ARHGAP28: variants seen among roughly 807,000 people sequenced by gnomAD.
ARHGAP28 encodes rho GTPase-activating protein 28.
In ARHGAP28, 56 loss-of-function variants were observed where a neutral mutation model predicts 90.7. The observed-to-expected ratio is 0.62, with a 90% CI of 0.50 to 0.77. The LOEUF (loss-of-function observed/expected upper bound fraction) is 0.77. ARHGAP28 is among the 30% of genes least tolerant of loss of function. ARHGAP28 has a pLI of 0.00. For synonymous variants in ARHGAP28, 308 were observed against 323.3 expected (o/e 0.95, Z 0.51); for missense variants, 869 against 900.9 (o/e 0.96, Z 0.45).
chr18:6,882,455 C>A, intron 11 of ARHGAP28, 156 bp downstream of exon 11: 1 of 629,552 alleles, frequency 1.6e-6, no homozygotes, highest in South Asian at 2.9e-5. Context: ...CAGTCACCTA[C>A]TTACATACTT....
chr18:6,873,677 A>G lies in ARHGAP28; in HGVS notation c.1121-7A>G. On this transcript the variant is annotated splice_region_variant and splice_polypyrimidine_tract_variant and intron_variant, in intron 8 of 17. Transcript: ENST00000383472. ...TTTTTTTCCCCCTTTACTGTCTCAC[A>G]ATGAAGACAATGGGATTTTTGGAGT... 6.2e-7 allele frequency: 1 copy of G among 1,613,226 alleles called. No homozygotes were observed. The highest frequency in any genetic ancestry group is 8.5e-7 in the Non-Finnish European group (1 of 1,179,366).
At chr18:6,892,002 T>G (rs1377089888) in intron 14 of ARHGAP28, among the ~76,000 whole-genome samples, 1 of 152,146 alleles carries the variant, frequency 6.6e-6, no homozygotes, top group African/African-American at 2.4e-5. Flanking sequence ...TGTTGTTGAT[T>G]TATCATAATC....
At chr18:6,911,044 C>T (rs1442596975) in intron 17 of ARHGAP28, among the ~76,000 whole-genome samples, 1 of 152,026 alleles carries the variant, frequency 6.6e-6, no homozygotes, top group Non-Finnish European at 1.5e-5. Flanking sequence ...CTGAGTTTGC[C>T]AGGATGGTCC....
chr18:6,862,557 G>A (rs1567974084), intron 5 of ARHGAP28, among the ~76,000 whole-genome samples: 1 of 152,180 alleles, frequency 6.6e-6, no homozygotes, highest in Non-Finnish European at 1.5e-5. Flanking sequence ...GCAGATGTCT[G>A]TCTCTATGGT....
intron 12 of ARHGAP28, among the ~76,000 whole-genome samples, chr18:6,887,718 C>T (rs115890326): frequency 0.03 from 4,630 of 152,212 alleles, 211 homozygotes; most frequent in African/African-American, 0.097. Flanking sequence ...CCACCACGCC[C>T]GGGCGGTATG....
At chr18:6,864,730 G>T (rs998182886) in intron 5 of ARHGAP28, among the ~76,000 whole-genome samples, 1 of 152,048 alleles carries the variant, frequency 6.6e-6, no homozygotes, top group African/African-American at 2.4e-5. Flanking sequence ...TGTCACCGAG[G>T]CTGGAGTGCA....
At chr18:6,841,208 C>CTCTCTCTCTCCTCTCTCTCTCTCTCT (rs1555631529) in intron 3 of ARHGAP28, among the ~76,000 whole-genome samples, 1 of 43,136 alleles carries the variant, frequency 2.3e-5, no homozygotes, top group East Asian at 7.6e-4. Flanking sequence ...TCTCTCCTCT[C>CTCTCTCTCTCCTCTCTCTCTCTCTCT]CTCTCTCTCT....
At chr18:6,870,479 G>A (rs932344098) in intron 6 of ARHGAP28, 111 bp from the exon 7 acceptor site, 5 of 1,132,102 alleles carry the variant, frequency 4.4e-6, no homozygotes, top group Non-Finnish European at 6.4e-6. Context: ...TATAAACACT[G>A]TAACGTGCTT....
At chr18:6,874,267 A>C (rs572421662) in intron 9 of ARHGAP28, among the ~76,000 whole-genome samples, 17 of 152,366 alleles carry the variant, frequency 1.1e-4, no homozygotes, top group African/African-American at 3.6e-4. Flanking sequence ...ACCAAGTTTA[A>C]TAAAATCTAA....
intron 1 of ARHGAP28, among the ~76,000 whole-genome samples, chr18:6,801,674 A>G (rs1346233994): frequency 6.6e-6 from 1 of 152,172 alleles, no homozygotes; most frequent in Non-Finnish European, 1.5e-5. Context: ...ACCTAAGATA[A>G]TTTAATACAT....
chr18:6,814,465 C>G (rs575027535), intron 1 of ARHGAP28, among the ~76,000 whole-genome samples: 4 of 152,314 alleles, frequency 2.6e-5, no homozygotes, highest in Non-Finnish European at 5.9e-5. Flanking sequence ...AGGATACAAT[C>G]AAGCAGAATT....
intron 10 of ARHGAP28, among the ~76,000 whole-genome samples, chr18:6,878,463 T>C (rs2057151359): frequency 6.6e-6 from 1 of 151,956 alleles, no homozygotes. Context: ...ACCTGCACAT[T>C]GTGCACATGT....
intron 12 of ARHGAP28, among the ~76,000 whole-genome samples, chr18:6,888,288 G>C (rs549376042): frequency 6.6e-6 from 1 of 152,074 alleles, no homozygotes; most frequent in Non-Finnish European, 1.5e-5. Flanking sequence ...ATATACAATA[G>C]GAAATTTGTT....
rs1336808135 is a variant in ARHGAP28, at chr18:6,890,488, A to T, written c.1793A>T (p.Lys598Met). 6.2e-7 allele frequency: 1 copy of T among 1,613,782 alleles called. No individual in the cohort carries two copies. The highest frequency in any genetic ancestry group is 2.2e-5 in the East Asian group (1 of 44,870). Residue 598 changes from lysine (K) to methionine (M), a missense_variant, in exon 14 of 18, where the codon AAG becomes ATG. Physicochemically the swap from Lys to Met is moderately conservative, Grantham distance 95. Coordinates refer to ENST00000383472, the MANE Select transcript of ARHGAP28 (RefSeq NM_001366230.1). ...ATGAATGAAGCCACGATGCTATTGAAGAAGCAGCTCCCAAGTGTCAGGAAG... is the reference window on the plus strand; with the variant it reads ...ATGAATGAAGCCACGATGCTATTGATGAAGCAGCTCCCAAGTGTCAGGAAG... Reference protein sequence around the residue: ...RRMNEATMLLKKQLPSVRKLL... With the variant: ...RRMNEATMLLMKQLPSVRKLL...
intron 1 of ARHGAP28, chr18:6,791,569 G>A (rs1421971657): frequency 1.3e-5 from 2 of 152,304 alleles, no homozygotes; most frequent in East Asian, 3.9e-4. Flanking sequence ...GAGTCACTTG[G>A]TTGGTCTGAT....
intron 1 of ARHGAP28, among the ~76,000 whole-genome samples, chr18:6,782,764 A>G (rs955558524): frequency 2.0e-5 from 3 of 150,672 alleles, no homozygotes; most frequent in Non-Finnish European, 3.0e-5. Context: ...GATTAATTAT[A>G]TATCATATTT....
In ARHGAP28 at chr18:6,813,823, G is replaced by A. The variant is rs574024691; in HGVS notation, c.123-10939G>A. Among the ~76,000 whole-genome samples the A allele has an allele frequency of 1.7e-4, 26 of 152,142 alleles. 1 individual carries two copies. In the South Asian group the frequency reaches 5.2e-3, roughly 30 times the overall value. On this transcript the variant is annotated intron_variant, in intron 1 of 17. Coordinates refer to ENST00000383472, the MANE Select transcript of ARHGAP28 (RefSeq NM_001366230.1). ...ACTGCCCCTCTGAGATTCATTTTTCGTATCTATAAAATGTGGTGATTTATT... is the reference window on the plus strand; with the variant it reads ...ACTGCCCCTCTGAGATTCATTTTTCATATCTATAAAATGTGGTGATTTATT...
At chr18:6,869,401 C>T (rs1295311057) in intron 6 of ARHGAP28, among the ~76,000 whole-genome samples, 1 of 151,710 alleles carries the variant, frequency 6.6e-6, no homozygotes, top group Non-Finnish European at 1.5e-5. Flanking sequence ...GCTGGAATTA[C>T]AGGTGCCTGC....
intron 1 of ARHGAP28, among the ~76,000 whole-genome samples, chr18:6,794,229 A>G (rs1453527505): frequency 6.6e-6 from 1 of 152,244 alleles, no homozygotes; most frequent in African/African-American, 2.4e-5. Context: ...ATTAAGTTTC[A>G]TAACAGACTA....
Sources: gnomAD v4.1 joint callset for allele counts (sites outside exome capture counted in the v4.1 genomes callset) on GRCh38, gnomAD v4.1.1 for gene constraint, MANE v1.5 for transcripts, NCBI Gene and HGNC (gene_info 2026-07-23, HGNC 2026-07-21) for gene names.